IFT140: variants seen among roughly 807,000 people sequenced by gnomAD.
The protein encoded by IFT140 is intraflagellar transport protein 140 homolog.
A neutral mutation model predicts 164.6 loss-of-function variants in IFT140; 133 were observed. The observed-to-expected ratio is 0.81, with a 90% confidence interval of 0.70 to 0.93. The LOEUF is 0.93. IFT140 is among the 40% of genes least tolerant of loss of function. The probability of loss-of-function intolerance (pLI) is 0.00; values close to 1 mark genes in which losing one functional copy is unlikely to be tolerated. For missense variants in IFT140, 2,045 were observed against 1,972.3 expected (o/e 1.04, Z -0.70); for synonymous variants, 860 against 817.3 (o/e 1.05, Z -0.89).
chr16:1,572,777 T>C (rs1372600145), intron 13 of IFT140, among the ~76,000 whole-genome samples: 2 of 152,238 alleles, frequency 1.3e-5, no homozygotes, highest in Non-Finnish European at 2.9e-5. Context: ...GCGAAGCTCT[T>C]GGCTCAATTC....
intron 2 of IFT140, among the ~76,000 whole-genome samples, chr16:1,608,394 C>T (rs111776622): frequency 2.0e-5 from 3 of 152,028 alleles, no homozygotes; most frequent in African/African-American, 4.8e-5. Context: ...TTTGGGAGGC[C>T]GAGGTGGGCA....
Position 1,587,294 on chromosome 16 carries a change from T to C in IFT140, c.913A>G (p.Ile305Val). 3.1e-6 allele frequency: 5 copies of C among 1,609,092 alleles called. No individual in the cohort carries two copies. Among genetic ancestry groups the C allele is most frequent in the Non-Finnish European group, 4.3e-6 (5 of 1,175,518 alleles). The change falls in exon 9 of 31, where the codon ATA becomes GTA. Residue 305 changes from isoleucine to valine, a missense_variant. Ile to Val is a conservative substitution (Grantham distance 29). Transcript: ENST00000426508. ...AGTATATAATTCTCTCCTCGTTCTA[T>C]GTCCCAGAATCTACAACAGAAGAAA... is the stretch of plus-strand genomic sequence containing the variant. ...VGEAALRFWD[I>V]ERGENYILSP...
chr16:1,585,577 G>A (rs2034824112), intron 10 of IFT140, among the ~76,000 whole-genome samples: 1 of 152,130 alleles, frequency 6.6e-6, no homozygotes. Context: ...TACAGATAGA[G>A]AGAGATGGAG....
At chr16:1,514,060 T>G (rs1351180642) in intron 30 of IFT140, among the ~76,000 whole-genome samples, 1 of 151,262 alleles carries the variant, frequency 6.6e-6, no homozygotes, top group African/African-American at 2.4e-5. Context: ...CTTCCAGGCT[T>G]AAAGAATCAG....
chr16:1,552,237 C>T (rs187661764), intron 19 of IFT140, among the ~76,000 whole-genome samples: 7 of 152,286 alleles, frequency 4.6e-5, no homozygotes, highest in East Asian at 1.9e-4. Context: ...CAGTTACTGC[C>T]GGTATAACCT....
At position 1,524,932 on chromosome 16, in the gene IFT140, G is replaced by C. The variant is rs772470101; in HGVS notation, c.2865-16C>G. On this transcript the variant is annotated splice_polypyrimidine_tract_variant and intron_variant, in intron 22 of 30. Transcript: ENST00000426508. Reference sequence around the variant, plus strand: ...CCACAGGGTCCTGCGGGCAGCCCAAGACCATGGATTCTCCACCCGAGCCCC... The same window carrying C: ...CCACAGGGTCCTGCGGGCAGCCCAACACCATGGATTCTCCACCCGAGCCCC... 1 of 1,594,478 alleles carries C rather than the reference G, an allele frequency of 6.3e-7. No homozygotes were observed. Among genetic ancestry groups the C allele is most frequent in the Admixed American group, 1.7e-5 (1 of 59,726 alleles).
In IFT140 at chr16:1,564,131, T is replaced by C. The variant is rs540658203; in HGVS notation, c.1933A>G (p.Asn645Asp). ...SHLFVDEGLK[N>D]YVPVNHFWDQ... ...CAGAAGTGGTTCACGGGAACATAAT[T>C]TTTCAGTCCCTCATCCACAAAGAGG... Residue 645 changes from asparagine to aspartate, a missense_variant, in exon 17 of 31, where the codon AAT becomes GAT. Coordinates refer to ENST00000426508, the MANE Select transcript of IFT140 (RefSeq NM_014714.4). The surrounding 1 kb of genome is among the most constrained non-coding windows in gnomAD (Gnocchi z 5.5). 235 of 1,586,256 alleles carry C rather than the reference T, an allele frequency of 1.5e-4. 7 individuals carry two copies. In the South Asian group the frequency reaches 2.5e-3, roughly 17 times the overall value.
intron 12 of IFT140, among the ~76,000 whole-genome samples, chr16:1,582,593 G>A (rs1331189866): frequency 2.0e-5 from 3 of 152,262 alleles, no homozygotes; most frequent in Non-Finnish European, 2.9e-5. Flanking sequence ...TAGATGTGCT[G>A]AAGAGAGCAG....
rs922819138 is a variant in IFT140, at chr16:1,530,133, C to CTTTTTTTTTTTTTTTTTTTTTT, written c.2400-3359_2400-3338dup. On this transcript the variant is annotated intron_variant, in intron 19 of 30. Transcript: ENST00000426508. ...TCCCAAAAGACTTCACGACGGGAAT[C>CTTTTTTTTTTTTTTTTTTTTTT]TTTTTTTTTTTTTTTTTTTTTTTTG... 3.8e-4 allele frequency among the ~76,000 whole-genome samples: 34 copies of CTTTTTTTTTTTTTTTTTTTTTT among 88,582 alleles called. 4 individuals are homozygous for CTTTTTTTTTTTTTTTTTTTTTT. Among genetic ancestry groups the CTTTTTTTTTTTTTTTTTTTTTT allele is most frequent in the African/African-American group, 1.1e-3 (20 of 18,454 alleles). 58.1% of individuals were successfully genotyped at this position (88,582 alleles called of 152,430 possible).
rs1202272409 is a variant in IFT140, at chr16:1,562,123, G to A, written c.2068-7C>T. ...ACAGGATCAAAACATCTGCCTGGGA[G>A]AGAAAGAAAAGTACTGTTCTGTTTT... On this transcript the variant is annotated splice_region_variant and splice_polypyrimidine_tract_variant and intron_variant, in intron 17 of 30. Transcript: ENST00000426508. 3.8e-6 allele frequency: 6 copies of A among 1,578,948 alleles called. No homozygotes were observed. The highest frequency in any genetic ancestry group is 5.1e-6 in the Non-Finnish European group (6 of 1,165,744).
intron 13 of IFT140, chr16:1,579,371 T>C (rs2034437835): frequency 6.6e-6 from 1 of 151,746 alleles, no homozygotes; most frequent in African/African-American, 2.4e-5. Context: ...TGGTTCAAGG[T>C]CAAGTGCACA....
At chr16:1,602,710 G>C (rs2035859897) in intron 3 of IFT140, 119 bp from the exon 4 acceptor site, 2 of 873,678 alleles carry the variant, frequency 2.3e-6, no homozygotes, top group Non-Finnish European at 1.8e-6. Flanking sequence ...GGGAGGCTGA[G>C]GTGGGTGGAT....
At chr16:1,526,477 C>T (rs1024538842) in intron 20 of IFT140, 142 bp downstream of exon 20, 1 of 946,766 alleles carries the variant, frequency 1.1e-6, no homozygotes, top group African/African-American at 1.7e-5. Flanking sequence ...GCTGTCTGCC[C>T]AGCTCTCCTG....
At chr16:1,524,476 C>A in intron 24 of IFT140, 76 bp downstream of exon 24, 1 of 1,557,574 alleles carries the variant, frequency 6.4e-7, no homozygotes, top group South Asian at 1.2e-5. Context: ...ACGATTCTCT[C>A]TGTCCACTTT....
intron 19 of IFT140, chr16:1,555,050 A>G (rs9932984): frequency 0.36 from 573,321 of 1,589,244 alleles, 109,902 homozygotes; most frequent in African/African-American, 0.65. Flanking sequence ...GCGCTCCATC[A>G]ACGCACACCT....
chr16:1,605,232 G>C (rs2035998349), intron 3 of IFT140, among the ~76,000 whole-genome samples: 1 of 152,064 alleles, frequency 6.6e-6, no homozygotes, highest in South Asian at 2.1e-4. Flanking sequence ...CTGCGCTCTC[G>C]GGCATGTTTC....
Position 1,597,398 on chromosome 16 carries a change from G to A in IFT140, c.370-4810C>T, listed in dbSNP as rs1163147234. ...TCCCTGAGTCTGGACTTGGGACAGG[G>A]AGCAGGAGCAGGCCGTCCTAACCTG... On this transcript the variant is annotated intron_variant, in intron 4 of 30. Coordinates refer to ENST00000426508, the MANE Select transcript of IFT140 (RefSeq NM_014714.4). 2.0e-5 allele frequency among the ~76,000 whole-genome samples: 3 copies of A among 152,224 alleles called. No individual in the cohort carries two copies. The South Asian group carries it at 6.2e-4, about 32-fold the overall frequency.
chr16:1,540,891 T>C (rs1227764842), intron 19 of IFT140: 14 of 985,314 alleles, frequency 1.4e-5, no homozygotes, highest in Non-Finnish European at 1.7e-5. Flanking sequence ...TCACATGCAG[T>C]CCCTGACTCC....
intron 18 of IFT140, 40 bp from the exon 19 acceptor site, chr16:1,558,174 T>A: frequency 2.5e-6 from 4 of 1,603,368 alleles, no homozygotes; most frequent in Non-Finnish European, 3.4e-6. Context: ...AATTCATATG[T>A]AAAGCTGAAG....
Sources: allele counts gnomAD v4.1 joint callset (sites outside exome capture counted in the v4.1 genomes callset), GRCh38; gene constraint gnomAD v4.1.1; non-coding constraint Gnocchi (gnomAD v3.1); transcripts MANE v1.5; gene names NCBI Gene and HGNC (gene_info 2026-07-23, HGNC 2026-07-21).